MAGI1: variants seen among roughly 807,000 people sequenced by gnomAD.
MAGI1 encodes membrane associated guanylate kinase, WW and PDZ domain containing 1, also known as membrane-associated guanylate kinase, WW and PDZ domain-containing protein 1.
MAGI1 carries 58 observed loss-of-function variants against 139.9 expected under a neutral mutation model. The observed-to-expected ratio is 0.41, with a 90% CI of 0.34 to 0.52. The LOEUF is 0.52. Ranked by LOEUF, MAGI1 falls within the 20% of genes least tolerant of loss-of-function variation. The pLI is 0.12. For synonymous variants in MAGI1, 812 were observed against 737.9 expected (o/e 1.10, Z -1.63); for missense variants, 1,874 against 1,901.6 (o/e 0.99, Z 0.27).
chr3:65,849,150 A>G (rs1258732587), intron 1 of MAGI1, among the ~76,000 whole-genome samples: 3 of 150,264 alleles, frequency 2.0e-5, no homozygotes, highest in African/African-American at 7.3e-5. Context: ...CAGCCTCCCG[A>G]GTAGCTGGGA....
chr3:66,021,437 C>A (rs994171225), intron 1 of MAGI1, among the ~76,000 whole-genome samples: 4 of 152,150 alleles, frequency 2.6e-5, no homozygotes, highest in African/African-American at 7.2e-5. Context: ...TAGCATTTGC[C>A]CCCTAGAAGA....
At chr3:65,606,657 A>G (rs949789983) in intron 2 of MAGI1, among the ~76,000 whole-genome samples, 9 of 152,126 alleles carry the variant, frequency 5.9e-5, no homozygotes, top group Non-Finnish European at 1.3e-4. Context: ...AGCTGGAATT[A>G]CAGGCACCCA....
At chr3:65,856,776 T>A (rs971399602) in intron 1 of MAGI1, among the ~76,000 whole-genome samples, 19 of 152,156 alleles carry the variant, frequency 1.2e-4, no homozygotes, top group Middle Eastern at 3.2e-3. Context: ...TAACCCTCTC[T>A]GCAAAACTAC....
intron 1 of MAGI1, among the ~76,000 whole-genome samples, chr3:66,005,197 A>G (rs1027264414): frequency 5.9e-5 from 9 of 152,170 alleles, no homozygotes; most frequent in African/African-American, 1.9e-4. Flanking sequence ...CTAAGAATCA[A>G]TGTGACCTAC....
At chr3:65,366,913 T>C (rs1268167919) in intron 18 of MAGI1, among the ~76,000 whole-genome samples, 1 of 152,196 alleles carries the variant, frequency 6.6e-6, no homozygotes, top group African/African-American at 2.4e-5. Flanking sequence ...AGCTCCTTCA[T>C]ATGACTCCCA....
chr3:66,008,760 G>T (rs1277507432), intron 1 of MAGI1: 5 of 152,236 alleles, frequency 3.3e-5, no homozygotes, highest in Admixed American at 6.5e-5. Flanking sequence ...AGACCCCATG[G>T]CATACCACAT....
intron 1 of MAGI1, among the ~76,000 whole-genome samples, chr3:66,032,587 T>C (rs983778591): frequency 1.3e-5 from 2 of 151,512 alleles, no homozygotes; most frequent in African/African-American, 4.8e-5. Context: ...CTTGTTTTCA[T>C]GGAACTTCTA....
chr3:65,844,289 A>G, intron 1 of MAGI1: 1 of 365,892 alleles, frequency 2.7e-6, no homozygotes, highest in Non-Finnish European at 5.3e-6. Context: ...CAGAGCTCAC[A>G]CGGTCAGATT....
chr3:65,876,571 A>T (rs1006004802), intron 1 of MAGI1, among the ~76,000 whole-genome samples: 6 of 152,122 alleles, frequency 3.9e-5, no homozygotes, highest in African/African-American at 1.2e-4. Flanking sequence ...AAATATGAAC[A>T]TATCATTTCT....
intron 1 of MAGI1, among the ~76,000 whole-genome samples, chr3:65,771,177 T>C (rs1040126189): frequency 2.0e-5 from 3 of 151,648 alleles, no homozygotes; most frequent in African/African-American, 7.3e-5. Context: ...CATGGTGGCA[T>C]GCACCTGTAG....
chr3:65,450,962 A>T (rs534627853), intron 6 of MAGI1, among the ~76,000 whole-genome samples: 16 of 152,320 alleles, frequency 1.1e-4, no homozygotes, highest in African/African-American at 3.8e-4. Flanking sequence ...CCATAATCTG[A>T]TTATATATTT....
chr3:65,653,797 T>C (rs1416525423), intron 1 of MAGI1, among the ~76,000 whole-genome samples: 1 of 152,178 alleles, frequency 6.6e-6, no homozygotes, highest in African/African-American at 2.4e-5. Context: ...AATTTCACTC[T>C]CTCTTTCTTT....
At chr3:65,734,000 C>G (rs1395632522) in intron 1 of MAGI1, among the ~76,000 whole-genome samples, 2 of 152,200 alleles carry the variant, frequency 1.3e-5, no homozygotes, top group Non-Finnish European at 2.9e-5. Context: ...GATTTAAAAT[C>G]CAATCTACTC....
At chr3:65,913,392 C>CA (rs1576007863) in intron 1 of MAGI1, among the ~76,000 whole-genome samples, 1 of 152,132 alleles carries the variant, frequency 6.6e-6, no homozygotes, top group South Asian at 2.1e-4. Flanking sequence ...CCAACCCCCC[C>CA]AAAAAATCCA....
intron 18 of MAGI1, among the ~76,000 whole-genome samples, chr3:65,370,355 G>C (rs1941864070): frequency 6.6e-6 from 1 of 152,142 alleles, no homozygotes; most frequent in Non-Finnish European, 1.5e-5. Flanking sequence ...AGTAACTAGA[G>C]AAGAGGCTTA....
intron 1 of MAGI1, among the ~76,000 whole-genome samples, chr3:65,812,468 T>TCACACACACGCACACACACACACA (rs1553711395): frequency 2.2e-5 from 2 of 89,084 alleles, no homozygotes; most frequent in African/African-American, 6.4e-5. Flanking sequence ...TCTCTCTCTC[T>TCACACACACGCACACACACACACA]CACACACACA....
rs1030612234 is a variant in MAGI1 at position 65,951,144 on chromosome 3, T to C, written c.313+86852A>G. 2.0e-5 allele frequency among the ~76,000 whole-genome samples: 3 copies of C among 152,176 alleles called. No individual in the cohort carries two copies. The South Asian group carries it at 6.2e-4, about 32-fold the overall frequency. ...GAAAGTTCATGAATGTATGAATTTA[T>C]GTTGGGCCGCATTCAAAGCATCCAT... On this transcript the variant is annotated intron_variant, in intron 1 of 22. Coordinates refer to ENST00000402939, the MANE Select transcript of MAGI1 (RefSeq NM_001033057.2).
chr3:65,362,798 A>G (rs1320538110), intron 21 of MAGI1, among the ~76,000 whole-genome samples: 1 of 152,168 alleles, frequency 6.6e-6, no homozygotes, highest in Non-Finnish European at 1.5e-5. Flanking sequence ...TATGTGACCT[A>G]TCTATGGGTA....
rs1575855367 is a variant in MAGI1, at chr3:65,465,229, T to A, written c.959+5054A>T. Among the ~76,000 whole-genome samples, 4 of 151,412 alleles carry A rather than the reference T, an allele frequency of 2.6e-5. No homozygotes were observed. In the South Asian group the frequency reaches 8.3e-4, roughly 31 times the overall value. ...AAAATTTAAAGAGATGCCAATTATA[T>A]CTCAATAAAAATGGGAAAAAAGAAA... On this transcript the variant is annotated intron_variant, in intron 5 of 22. Transcript: ENST00000402939.
Sources: gnomAD v4.1 joint callset for allele counts (sites outside exome capture counted in the v4.1 genomes callset) on GRCh38, gnomAD v4.1.1 for gene constraint, MANE v1.5 for transcripts, NCBI Gene and HGNC (gene_info 2026-07-23, HGNC 2026-07-21) for gene names.